The following DAB1 variants were observed in gnomAD, a reference collection of about 807,000 sequenced individuals.
DAB1 encodes the protein disabled homolog 1.
A neutral mutation model predicts 64.6 loss-of-function variants in DAB1; 15 were observed. The ratio of observed to expected loss-of-function variants is 0.23; its 90% CI spans 0.16 to 0.36. The LOEUF (loss-of-function observed/expected upper bound fraction) is 0.36. Ranked by LOEUF, DAB1 falls within the 10% of genes least tolerant of loss-of-function variation. The probability of loss-of-function intolerance (pLI) is 1.00; values close to 1 mark genes in which losing one functional copy is unlikely to be tolerated. For missense variants in DAB1, 596 were observed against 706.7 expected (o/e 0.84, Z 1.78); for synonymous variants, 235 against 251.9 (o/e 0.93, Z 0.64).
intron 1 of DAB1, among the ~76,000 whole-genome samples, chr1:57,415,594 A>G (rs1354766107): frequency 1.3e-5 from 2 of 152,244 alleles, no homozygotes; most frequent in Admixed American, 6.5e-5. Context: ...AACACATGCC[A>G]TAGCTCAGAT....
chr1:58,138,122 C>T (rs1654051105), intron 5 of DAB1, among the ~76,000 whole-genome samples: 1 of 152,168 alleles, frequency 6.6e-6, no homozygotes. Flanking sequence ...ATTTGTTGAG[C>T]ACTAGCTATG....
At chr1:57,243,617 A>T (rs1668654298) in intron 2 of DAB1, among the ~76,000 whole-genome samples, 1 of 152,126 alleles carries the variant, frequency 6.6e-6, no homozygotes, top group African/African-American at 2.4e-5. Context: ...CAGGACTCCC[A>T]TTCTATACAT....
At chr1:57,807,720 G>A (rs942677408) in intron 6 of DAB1, among the ~76,000 whole-genome samples, 2 of 151,706 alleles carry the variant, frequency 1.3e-5, no homozygotes, top group African/African-American at 2.4e-5. Context: ...GAGTGTGCCC[G>A]CCTCTCCCAC....
At chr1:57,625,730 G>A (rs1308074287) in intron 7 of DAB1, among the ~76,000 whole-genome samples, 2 of 152,082 alleles carry the variant, frequency 1.3e-5, no homozygotes, top group African/African-American at 4.8e-5. Flanking sequence ...AATTAGAGGA[G>A]GGAAAGGGAG....
chr1:57,094,104 G>T (rs1653934507), intron 4 of DAB1, among the ~76,000 whole-genome samples: 1 of 99,600 alleles, frequency 1.0e-5, no homozygotes. Flanking sequence ...GTGAGACTCT[G>T]CCTCAAAAAA....
At chr1:57,450,043 G>C (rs962092863) in intron 7 of DAB1, among the ~76,000 whole-genome samples, 1 of 152,138 alleles carries the variant, frequency 6.6e-6, no homozygotes, top group Admixed American at 6.5e-5. Flanking sequence ...TGTACACCAG[G>C]TTATTTTTCA....
chr1:57,613,428 G>A (rs1045829514), intron 7 of DAB1, among the ~76,000 whole-genome samples: 1 of 152,156 alleles, frequency 6.6e-6, no homozygotes, highest in Admixed American at 6.5e-5. Flanking sequence ...CCTAGGCTCT[G>A]TCAGATATGT....
At chr1:58,540,637 T>C (rs1483226700) in intron 1 of DAB1, among the ~76,000 whole-genome samples, 1 of 147,824 alleles carries the variant, frequency 6.8e-6, no homozygotes, top group African/African-American at 2.5e-5. Context: ...ATTAACATTG[T>C]AGAAATAAAG....
At chr1:58,187,120 C>T (rs764284826) in intron 4 of DAB1, among the ~76,000 whole-genome samples, 1 of 152,036 alleles carries the variant, frequency 6.6e-6, no homozygotes, top group Non-Finnish European at 1.5e-5. Context: ...AGCTGTCCTG[C>T]GTCCCAAACA....
intron 3 of DAB1, 131 bp downstream of exon 3, chr1:57,145,159 T>C (rs1009276164): frequency 7.1e-6 from 6 of 849,558 alleles, no homozygotes; most frequent in South Asian, 1.9e-5. Context: ...TGAAAAAATA[T>C]GGTGATTCAA....
At position 57,452,158 on chromosome 1, in the gene DAB1, CA is replaced by C. The variant is rs1156403595; in HGVS notation, n.626-160993del. ...GAGCTTAGGATTTAGTCTCTCTCTG[CA>C]CCCCCCCTTTTTTTTTTTTTTTTTT... On this transcript the variant is annotated intron_variant and non_coding_transcript_variant, in intron 7 of 20. Transcript: ENST00000485760. 5.6e-3 allele frequency among the ~76,000 whole-genome samples: 466 copies of C among 83,884 alleles called. 12 individuals carry two copies. Among genetic ancestry groups the C allele is most frequent in the African/African-American group, 0.025 (435 of 17,356 alleles). 55.0% of individuals were successfully genotyped at this position (83,884 alleles called of 152,430 possible).
chr1:57,452,778 T>C (rs1228056111), intron 7 of DAB1, among the ~76,000 whole-genome samples: 1 of 152,086 alleles, frequency 6.6e-6, no homozygotes, highest in African/African-American at 2.4e-5. Flanking sequence ...AGAGACCTTA[T>C]CTGCCTTGTT....
intron 5 of DAB1, among the ~76,000 whole-genome samples, chr1:57,953,226 T>G (rs1244339311): frequency 6.6e-6 from 1 of 152,208 alleles, no homozygotes; most frequent in Non-Finnish European, 1.5e-5. Flanking sequence ...ACTTTTCTAT[T>G]TACAAGTCCT....
intron 5 of DAB1, among the ~76,000 whole-genome samples, chr1:58,026,419 G>C (rs1219865488): frequency 1.3e-5 from 2 of 152,088 alleles, no homozygotes; most frequent in African/African-American, 4.8e-5. Context: ...TTTCATCCCT[G>C]AGTGAGGATG....
At chr1:57,582,481 G>A (rs1645325430) in intron 7 of DAB1, among the ~76,000 whole-genome samples, 1 of 152,184 alleles carries the variant, frequency 6.6e-6, no homozygotes, top group South Asian at 2.1e-4. Context: ...GTGGGGACAT[G>A]GAGCTAAACT....
intron 1 of DAB1, among the ~76,000 whole-genome samples, chr1:57,857,880 A>G (rs1653828946): frequency 6.6e-6 from 1 of 151,514 alleles, no homozygotes; most frequent in Non-Finnish European, 1.5e-5. Flanking sequence ...AAAAGAAAAA[A>G]AAAAGACCTT....
chr1:57,394,238 T>G (rs112394538), intron 1 of DAB1, among the ~76,000 whole-genome samples: 157 of 152,330 alleles, frequency 1.0e-3, no homozygotes, highest in African/African-American at 3.5e-3. Flanking sequence ...CCTTCTTCTA[T>G]CAGACCAACA....
Position 58,417,470 on chromosome 1 carries a change from G to A in DAB1, n.258-74067C>T, listed in dbSNP as rs567376414. Among the ~76,000 whole-genome samples, 15 of 152,180 alleles carry A rather than the reference G, an allele frequency of 9.9e-5. No individual in the cohort carries two copies. In the East Asian group the frequency reaches 2.1e-3, roughly 22 times the overall value. On this transcript the variant is annotated intron_variant and non_coding_transcript_variant, in intron 3 of 20. Coordinates refer to the DAB1 transcript ENST00000485760. ...TGGCTCACTAGCTGGCCCCACGGCCGGGAGTGGTTGGAGGATGGGAGGGCA... is the reference window on the plus strand; with the variant it reads ...TGGCTCACTAGCTGGCCCCACGGCCAGGAGTGGTTGGAGGATGGGAGGGCA...
At chr1:57,790,743 A>G (rs888057641) in intron 6 of DAB1, among the ~76,000 whole-genome samples, 1 of 152,192 alleles carries the variant, frequency 6.6e-6, no homozygotes, top group Non-Finnish European at 1.5e-5. Flanking sequence ...TCGCTAAAGA[A>G]TGAGAAAAGG....
Sources: gnomAD v4.1 joint callset for allele counts (sites outside exome capture counted in the v4.1 genomes callset) on GRCh38, gnomAD v4.1.1 for gene constraint, MANE v1.5 for transcripts, NCBI Gene and HGNC (gene_info 2026-07-23, HGNC 2026-07-21) for gene names.